The following SLC19A3 variants were observed in gnomAD, a reference collection of about 807,000 sequenced individuals.
SLC19A3 encodes the protein thiamine transporter 2.
In SLC19A3, 31 loss-of-function variants were observed where a neutral mutation model predicts 40.2. The observed-to-expected ratio is 0.77, with a 90% confidence interval of 0.58 to 1.04. The LOEUF is 1.04. SLC19A3 is among the 50% of genes least tolerant of loss of function. The pLI is 0.00. For missense variants in SLC19A3, 592 were observed against 596.7 expected (o/e 0.99, Z 0.08); for synonymous variants, 212 against 227.5 (o/e 0.93, Z 0.61).
chr2:227,708,604 A>AC (rs1696035020), intron 1 of SLC19A3, among the ~76,000 whole-genome samples: 3 of 142,852 alleles, frequency 2.1e-5, no homozygotes, highest in African/African-American at 7.7e-5. Context: ...CAAAAAAACA[A>AC]CAAAAAAAAC....
intron 1 of SLC19A3, among the ~76,000 whole-genome samples, chr2:227,709,613 C>T (rs1051247086): frequency 7.2e-5 from 11 of 152,116 alleles, no homozygotes; most frequent in African/African-American, 1.7e-4. Flanking sequence ...CCCACTTGCA[C>T]ACCCAGAGGA....
intron 4 of SLC19A3, among the ~76,000 whole-genome samples, chr2:227,690,706 C>CAAAAAAAAAAAAAAAAAAA (rs34163746): frequency 7.7e-5 from 3 of 39,166 alleles, no homozygotes; most frequent in African/African-American, 2.9e-4. Flanking sequence ...GACTCCATCT[C>CAAAAAAAAAAAAAAAAAAA]AAAAAAAAAA....
rs1051073258 is a variant in SLC19A3, at chr2:227,703,582, A to C, written c.-2-1262T>G. 2.0e-5 allele frequency among the ~76,000 whole-genome samples: 3 copies of C among 152,196 alleles called. No individual in the cohort carries two copies. The highest frequency in any genetic ancestry group is 4.4e-5 in the Non-Finnish European group (3 of 68,034). ...CAATGTGAAAATTTTGCCAAAGGCA[A>C]ATTACAGTGACTGTTAACCTACTCC... On this transcript the variant is annotated intron_variant, in intron 1 of 5. Transcript: ENST00000644224. This position sits in a 1 kb window ranked among gnomAD's most constrained non-coding sequence, Gnocchi z 4.7.
At chr2:227,694,286 C>G (rs979258920) in intron 4 of SLC19A3, among the ~76,000 whole-genome samples, 6 of 151,786 alleles carry the variant, frequency 4.0e-5, no homozygotes, top group Non-Finnish European at 5.9e-5. Context: ...GGATTACAGG[C>G]GGGAGCCACT....
chr2:227,687,893 T>C (rs1446742999), intron 5 of SLC19A3, among the ~76,000 whole-genome samples: 1 of 152,158 alleles, frequency 6.6e-6, no homozygotes, highest in Non-Finnish European at 1.5e-5. Context: ...TGTCTCTATG[T>C]CTTTGTTTGG....
Position 227,698,804 on chromosome 2 carries a change from T to C in SLC19A3, c.911A>G (p.Asp304Gly). 2 of 1,614,194 alleles carry C rather than the reference T, an allele frequency of 1.2e-6. No homozygotes were observed. Among genetic ancestry groups the C allele is most frequent in the East Asian group, 4.5e-5 (2 of 44,882 alleles). ...QVLNYVQILW[D>G]YKAPSQDSSI... ...AGAATCTTGGGATGGCGCCTTGTAA[T>C]CCCACAGGATTTGAACATAGTTCAA... The change falls in exon 3 of 6, where the codon GAT becomes GGT. Residue 304 changes from aspartate (D) to glycine (G), a missense_variant. By Grantham distance (94) the Asp-to-Gly change is moderately conservative. Coordinates refer to ENST00000644224, the MANE Select transcript of SLC19A3 (RefSeq NM_025243.4).
intron 4 of SLC19A3, among the ~76,000 whole-genome samples, chr2:227,691,825 AC>A (rs1352459164): frequency 6.6e-6 from 1 of 152,146 alleles, no homozygotes; most frequent in Non-Finnish European, 1.5e-5. Flanking sequence ...AAACTGACAA[AC>A]CTTTAGCCAG....
chr2:227,714,055 G>A (rs561572649), intron 1 of SLC19A3, among the ~76,000 whole-genome samples: 1 of 152,258 alleles, frequency 6.6e-6, no homozygotes, highest in South Asian at 2.1e-4. Context: ...ATATCTTGAT[G>A]GGATATAGTT....
At chr2:227,704,602 C>T (rs1421433224) in intron 1 of SLC19A3, among the ~76,000 whole-genome samples, 1 of 152,032 alleles carries the variant, frequency 6.6e-6, no homozygotes, top group Non-Finnish European at 1.5e-5. Context: ...AGCTATCTTT[C>T]CTCTTACCCT....
At chr2:227,705,808 A>G (rs918946336) in intron 1 of SLC19A3, among the ~76,000 whole-genome samples, 19 of 152,310 alleles carry the variant, frequency 1.2e-4, no homozygotes, top group Admixed American at 7.8e-4. Flanking sequence ...CCACCATGGC[A>G]AACGTTTACC....
At chr2:227,692,513 A>G (rs149344159) in intron 4 of SLC19A3, among the ~76,000 whole-genome samples, 76 of 152,364 alleles carry the variant, frequency 5.0e-4, no homozygotes, top group Middle Eastern at 3.4e-3. Flanking sequence ...CCTTCTGGCT[A>G]AATACCCTCA....
chr2:227,689,248 T>C (rs1695132006), intron 4 of SLC19A3, among the ~76,000 whole-genome samples: 3 of 152,084 alleles, frequency 2.0e-5, no homozygotes, highest in African/African-American at 2.4e-5. Context: ...AAGAGATCAA[T>C]ATCCAAGGAC....
chr2:227,706,277 G>A, intron 1 of SLC19A3: 2 of 1,229,386 alleles, frequency 1.6e-6, no homozygotes, highest in Non-Finnish European at 2.0e-6. Flanking sequence ...TGCTTCTAAG[G>A]TGAGGACATG....
At chr2:227,714,622 C>T (rs962565683) in intron 1 of SLC19A3, 19 of 982,954 alleles carry the variant, frequency 1.9e-5, no homozygotes, top group East Asian at 2.3e-4. Context: ...TAGCTTTATA[C>T]GCAGAAGCCC....
chr2:227,714,032 G>A (rs1321433147), intron 1 of SLC19A3, among the ~76,000 whole-genome samples: 1 of 152,142 alleles, frequency 6.6e-6, no homozygotes, highest in African/African-American at 2.4e-5. Context: ...TTTCTGGGTT[G>A]ATGAAATATC....
At chr2:227,715,951 CAAAAAAAAAAA>C (rs34546970) in intron 1 of SLC19A3, among the ~76,000 whole-genome samples, 2 of 87,160 alleles carry the variant, frequency 2.3e-5, no homozygotes, top group Non-Finnish European at 2.1e-5. Context: ...GACTCCGTCT[CAAAAAAAAAAA>C]AAAAAAAAAA....
intron 1 of SLC19A3, chr2:227,706,354 G>C: frequency 4.1e-6 from 5 of 1,231,542 alleles, no homozygotes; most frequent in Non-Finnish European, 5.1e-6. Context: ...TTCATTTTCT[G>C]TGTGTTCCAA....
chr2:227,715,951 CAAAAAAAAAAAAAA>C (rs34546970), intron 1 of SLC19A3, among the ~76,000 whole-genome samples: 12 of 87,162 alleles, frequency 1.4e-4, no homozygotes, highest in African/African-American at 5.2e-4. Context: ...GACTCCGTCT[CAAAAAAAAAAAAAA>C]AAAAAAAAAA....
intron 1 of SLC19A3, among the ~76,000 whole-genome samples, chr2:227,708,190 C>A (rs963608182): frequency 1.3e-5 from 2 of 151,860 alleles, no homozygotes; most frequent in Non-Finnish European, 2.9e-5. Context: ...TCTTAGTTTT[C>A]TTTTTTTTAA....
Sources: gnomAD v4.1 joint callset for allele counts (sites outside exome capture counted in the v4.1 genomes callset) on GRCh38, gnomAD v4.1.1 for gene constraint, Gnocchi (gnomAD v3.1) non-coding constraint, MANE v1.5 for transcripts, NCBI Gene and HGNC (gene_info 2026-07-23, HGNC 2026-07-21) for gene names.